Variants in COPB1 observed in about 807,000 individuals in gnomAD.
The protein encoded by COPB1 is coat protein complex I subunit beta 1.
A neutral mutation model predicts 108.7 loss-of-function variants in COPB1; 21 were observed. That is an observed-to-expected ratio of 0.19 (90% CI 0.14 to 0.28). COPB1 has a LOEUF of 0.28. COPB1 is among the 10% of genes least tolerant of loss of function. The pLI, the probability that COPB1 is intolerant of heterozygous loss-of-function variation, is 1.00. For missense variants in COPB1, 919 were observed against 1,141.3 expected (o/e 0.81, Z 2.81); for synonymous variants, 378 against 386.8 (o/e 0.98, Z 0.27).
intron 14 of COPB1, among the ~76,000 whole-genome samples, chr11:14,471,328 G>A (rs963474018): frequency 8.5e-5 from 13 of 152,102 alleles, no homozygotes; most frequent in African/African-American, 2.9e-4. Flanking sequence ...TTATTAACTC[G>A]GTATGTTACA....
intron 2 of COPB1, among the ~76,000 whole-genome samples, chr11:14,497,242 C>T (rs887119309): frequency 6.6e-5 from 10 of 151,712 alleles, no homozygotes; most frequent in African/African-American, 2.2e-4. Context: ...AATCGACATA[C>T]GTGATGAGAC....
chr11:14,488,650 A>T, intron 5 of COPB1, 66 bp from the exon 6 acceptor site: 2 of 957,620 alleles, frequency 2.1e-6, no homozygotes, highest in East Asian at 2.6e-5. Context: ...AATGCATCTT[A>T]AAAAATACAC....
Position 14,457,902 on chromosome 11 carries a change from A to G in COPB1, c.2803-19T>C. 1.4e-6 allele frequency: 2 copies of G among 1,454,102 alleles called. No individual in the cohort carries two copies. Among genetic ancestry groups the G allele is most frequent in the Non-Finnish European group, 1.9e-6 (2 of 1,059,168 alleles). The allele number at this position is 1,454,102 out of a possible 1,614,324, so 90.1% of individuals were successfully genotyped here. ...CCATTCCCTGTAAAGAAAAATTAAGATATTTATAATTATTTAAACTATGTA... is the reference window on the plus strand; with the variant it reads ...CCATTCCCTGTAAAGAAAAATTAAGGTATTTATAATTATTTAAACTATGTA... On this transcript the variant is annotated intron_variant, in intron 21 of 21. Transcript: ENST00000439561.
chr11:14,469,053 G>C (rs1850347593), intron 15 of COPB1, among the ~76,000 whole-genome samples, 193 bp from the exon 16 acceptor site: 1 of 152,082 alleles, frequency 6.6e-6, no homozygotes, highest in Non-Finnish European at 1.5e-5. Flanking sequence ...GGAGTGCAGT[G>C]GTATGATCAC....
At chr11:14,494,481 A>T in intron 2 of COPB1, 42 bp from the exon 3 acceptor site, 1 of 1,181,534 alleles carries the variant, frequency 8.5e-7, no homozygotes. Flanking sequence ...AATTATTTCA[A>T]AAGAAAATTC....
intron 14 of COPB1, among the ~76,000 whole-genome samples, chr11:14,471,354 T>A (rs566833335): frequency 6.6e-6 from 1 of 152,266 alleles, no homozygotes; most frequent in Admixed American, 6.5e-5. Context: ...CTGGCTCTTT[T>A]AAGCAGGTAT....
At chr11:14,460,139 A>C in intron 20 of COPB1, 69 bp downstream of exon 20, 1 of 929,858 alleles carries the variant, frequency 1.1e-6, no homozygotes, top group Non-Finnish European at 1.7e-6. Flanking sequence ...GTGCTAGAGG[A>C]AATACAGGAA....
chr11:14,460,013 C>A, intron 20 of COPB1, 195 bp downstream of exon 20: 2 of 449,602 alleles, frequency 4.4e-6, no homozygotes, highest in South Asian at 4.9e-5. Flanking sequence ...GGTCACTGCA[C>A]TAGGAAAAAG....
At position 14,493,693 on chromosome 11, in the gene COPB1, C is replaced by T. The variant is rs145180828; in HGVS notation, c.440G>A (p.Arg147Gln). Reference sequence around the variant, plus strand: ...AGCATTTCTTCTAACATAGCTGTGTCGATGCTCCAAACATGCACGAATAGC... The same window carrying T: ...AGCATTTCTTCTAACATAGCTGTGTTGATGCTCCAAACATGCACGAATAGC... Reference protein sequence around the residue: ...MPAIRACLEHRHSYVRRNAVL... With the variant: ...MPAIRACLEHQHSYVRRNAVL... Residue 147 changes from arginine to glutamine, a missense_variant, in exon 4 of 22, where the codon CGA becomes CAA. By Grantham distance (43) the Arg-to-Gln change is conservative. Coordinates refer to ENST00000439561, the MANE Select transcript of COPB1 (RefSeq NM_001144061.2). The T allele has an allele frequency of 1.9e-4, 301 of 1,613,172 alleles. No individual in the cohort carries two copies. Among genetic ancestry groups the T allele is most frequent in the Non-Finnish European group, 2.5e-4 (295 of 1,179,720 alleles).
chr11:14,463,443 G>A (rs900536505), intron 18 of COPB1, among the ~76,000 whole-genome samples: 3 of 152,112 alleles, frequency 2.0e-5, no homozygotes, highest in Admixed American at 6.6e-5. Flanking sequence ...TCAGCCTCCC[G>A]AGTTAGCTGG....
chr11:14,481,770 G>C (rs575231020), intron 8 of COPB1, among the ~76,000 whole-genome samples: 1 of 152,260 alleles, frequency 6.6e-6, no homozygotes, highest in East Asian at 1.9e-4. Flanking sequence ...ACATTCACCA[G>C]TTAATATCTT....
intron 8 of COPB1, 110 bp downstream of exon 8, chr11:14,482,922 A>C: frequency 1.0e-6 from 1 of 977,580 alleles, no homozygotes; most frequent in Non-Finnish European, 1.4e-6. Flanking sequence ...TCAAAATATA[A>C]ACTGCTCAGT....
At chr11:14,496,587 T>C (rs574274096) in intron 2 of COPB1, among the ~76,000 whole-genome samples, 7 of 151,930 alleles carry the variant, frequency 4.6e-5, no homozygotes, top group Non-Finnish European at 8.8e-5. Context: ...TCCATGATCA[T>C]GGATTAGAAG....
chr11:14,483,235 C>G, intron 7 of COPB1, 84 bp from the exon 8 acceptor site: 1 of 552,282 alleles, frequency 1.8e-6, no homozygotes, highest in Non-Finnish European at 2.9e-6. Flanking sequence ...ACACCACACA[C>G]ACACACACAC....
At chr11:14,477,388 T>TTAAAAAAAAAAAAAAA (rs1850546535) in intron 11 of COPB1, among the ~76,000 whole-genome samples, 1 of 5,802 alleles carries the variant, frequency 1.7e-4, no homozygotes, top group Non-Finnish European at 2.8e-4. Flanking sequence ...AGACTCCGTC[T>TTAAAAAAAAAAAAAAA]CAAAAAAAAA....
chr11:14,468,555 T>G, intron 16 of COPB1, 126 bp downstream of exon 16: 5 of 837,388 alleles, frequency 6.0e-6, no homozygotes, highest in Non-Finnish European at 9.3e-6. Context: ...GAGTTTCAAC[T>G]GAGGTTTAAT....
At chr11:14,462,645 T>TC (rs1850184886) in intron 18 of COPB1, among the ~76,000 whole-genome samples, 4 of 152,112 alleles carry the variant, frequency 2.6e-5, no homozygotes, top group African/African-American at 9.7e-5. Flanking sequence ...ACTCTCTCTC[T>TC]TGGAATTCAC....
At chr11:14,463,340 C>A (rs1023747552) in intron 18 of COPB1, among the ~76,000 whole-genome samples, 2 of 152,268 alleles carry the variant, frequency 1.3e-5, no homozygotes, top group Admixed American at 1.3e-4. Context: ...ATTTTTGAGA[C>A]AGAGTCTCAC....
rs559489863 is a variant in COPB1, at chr11:14,462,572, T to C, written c.2411-1241A>G. Among the ~76,000 whole-genome samples the C allele has an allele frequency of 2.0e-4, 30 of 152,282 alleles. 2 individuals carry two copies. The South Asian group carries it at 5.6e-3, about 28-fold the overall frequency. On this transcript the variant is annotated intron_variant, in intron 18 of 21. Coordinates refer to ENST00000439561, the MANE Select transcript of COPB1 (RefSeq NM_001144061.2). ...TGACATTCTTCCACTCTTTCAACTT[T>C]CAGGGAAAACTGAGGCTACCAAGAA...
Sources: gnomAD v4.1 joint callset for allele counts (sites outside exome capture counted in the v4.1 genomes callset) on GRCh38, gnomAD v4.1.1 for gene constraint, MANE v1.5 for transcripts, NCBI Gene and HGNC (gene_info 2026-07-23, HGNC 2026-07-21) for gene names.